The following TRIP4 variants were observed in gnomAD, a reference collection of about 807,000 sequenced individuals.
TRIP4 encodes activating signal cointegrator 1.
Under a neutral mutation model 81.8 loss-of-function variants are expected in TRIP4, and 54 were observed. The observed-to-expected ratio is 0.66, with a 90% CI of 0.53 to 0.83. The LOEUF is 0.83. Among genes scored for constraint, TRIP4 ranks in the 40% least tolerant of loss-of-function variants. The pLI is 0.00. For synonymous variants in TRIP4, 270 were observed against 242.8 expected, an observed-to-expected ratio of 1.11 and a Z score of -1.04; for missense variants, 662 against 683.6, an observed-to-expected ratio of 0.97 and a Z score of 0.35.
chr15:64,396,835 A>G (rs1416541451), intron 3 of TRIP4, among the ~76,000 whole-genome samples: 1 of 152,232 alleles, frequency 6.6e-6, no homozygotes, highest in Non-Finnish European at 1.5e-5. Context: ...GTTCAACTTC[A>G]GTTGATATGA....
chr15:64,413,948 G>A, intron 7 of TRIP4, 137 bp from the exon 8 acceptor site: 1 of 871,950 alleles, frequency 1.1e-6, no homozygotes, highest in Non-Finnish European at 1.7e-6. Context: ...AAGTTGGAGT[G>A]GGGAGTAGGG....
intron 11 of TRIP4, among the ~76,000 whole-genome samples, chr15:64,434,953 C>T (rs1009982022): frequency 1.2e-4 from 18 of 151,976 alleles, no homozygotes; most frequent in Admixed American, 3.9e-4. Context: ...TGGTGGCTCA[C>T]GCCTGTAATC....
intron 8 of TRIP4, among the ~76,000 whole-genome samples, chr15:64,417,036 ATTG>A (rs1483665197): frequency 6.6e-6 from 1 of 152,072 alleles, no homozygotes; most frequent in African/African-American, 2.4e-5. Flanking sequence ...GAGACAGGAT[ATTG>A]TTCTGTCATC....
chr15:64,420,779 G>A (rs1234575448), intron 9 of TRIP4, among the ~76,000 whole-genome samples: 2 of 151,250 alleles, frequency 1.3e-5, no homozygotes, highest in Admixed American at 6.6e-5. Flanking sequence ...TGATCTGCCC[G>A]CCTCGGCCTC....
chr15:64,395,373 TA>T (rs1418784514), intron 2 of TRIP4, 24 bp from the exon 3 acceptor site: 7 of 1,580,508 alleles, frequency 4.4e-6, no homozygotes, highest in Non-Finnish European at 6.0e-6. Context: ...TGTGTGTGTG[TA>T]TTTTTTTTTT....
chr15:64,416,573 A>T (rs1043271512), intron 8 of TRIP4, among the ~76,000 whole-genome samples: 5 of 152,190 alleles, frequency 3.3e-5, no homozygotes, highest in Admixed American at 6.6e-5. Flanking sequence ...AATTTTTTTT[A>T]AAGAAATTAT....
chr15:64,420,265 G>T (rs956972025), intron 9 of TRIP4, among the ~76,000 whole-genome samples: 1 of 151,516 alleles, frequency 6.6e-6, no homozygotes, highest in Non-Finnish European at 1.5e-5. Context: ...GGGTTCACAC[G>T]CATGTGCCAC....
intron 7 of TRIP4, 44 bp downstream of exon 7, chr15:64,409,872 T>G: frequency 6.8e-5 from 106 of 1,564,598 alleles, no homozygotes; most frequent in Non-Finnish European, 8.2e-5. Context: ...AGGAACAGGT[T>G]GACCATAAAG....
chr15:64,441,249 G>A (rs1009779567), intron 11 of TRIP4, among the ~76,000 whole-genome samples: 3 of 151,776 alleles, frequency 2.0e-5, no homozygotes, highest in Non-Finnish European at 4.4e-5. Context: ...GCCCGCTTTG[G>A]CCTCCCAAAG....
chr15:64,425,681 G>T (rs1195381162), intron 11 of TRIP4, 50 bp downstream of exon 11: 1 of 1,510,152 alleles, frequency 6.6e-7, no homozygotes, highest in Middle Eastern at 1.8e-4. Context: ...CGCCATGTTG[G>T]CCAGGCTGGT....
At position 64,414,153 on chromosome 15, in the gene TRIP4, C is replaced by G; in HGVS notation, c.1112C>G (p.Ser371Cys). The change falls in exon 8 of 13, where the codon TCT becomes TGT. Residue 371 changes from serine to cysteine, a missense_variant. Ser to Cys is a moderately radical substitution (Grantham distance 112). Transcript: ENST00000261884. ...LNQPLTKLDR[S>C]SEEPLGVLVN... Reference sequence around the variant, plus strand: ...CAGCCACTGACCAAATTGGATAGATCTTCTGAAGAGCCTTTGGGAGTTCTG... The same window carrying G: ...CAGCCACTGACCAAATTGGATAGATGTTCTGAAGAGCCTTTGGGAGTTCTG... 2 of 1,614,128 alleles carry G rather than the reference C, an allele frequency of 1.2e-6. No individual in the cohort carries two copies. Among genetic ancestry groups the G allele is most frequent in the Non-Finnish European group, 1.7e-6 (2 of 1,180,004 alleles).
chr15:64,399,064 C>G (rs1478235506), intron 4 of TRIP4, among the ~76,000 whole-genome samples: 1 of 148,824 alleles, frequency 6.7e-6, no homozygotes, highest in Non-Finnish European at 1.5e-5. Flanking sequence ...ATTCTCCTGT[C>G]TCAGCCTCCC....
chr15:64,444,203 A>G (rs977432622), intron 11 of TRIP4, among the ~76,000 whole-genome samples: 6 of 152,206 alleles, frequency 3.9e-5, no homozygotes, highest in African/African-American at 9.6e-5. Flanking sequence ...CCAGAAGCCT[A>G]TGAGTCATAT....
intron 9 of TRIP4, 52 bp from the exon 10 acceptor site, chr15:64,423,979 T>C: frequency 1.2e-6 from 2 of 1,608,758 alleles, no homozygotes; most frequent in Non-Finnish European, 1.7e-6. Flanking sequence ...TTATGGGATA[T>C]TCCAGGAAAC....
intron 8 of TRIP4, among the ~76,000 whole-genome samples, chr15:64,414,608 C>T (rs1177130563): frequency 6.8e-6 from 1 of 146,588 alleles, no homozygotes; most frequent in Non-Finnish European, 1.5e-5. Flanking sequence ...CCTCCGCCTC[C>T]CAGGTTCAAG....
chr15:64,415,282 G>T (rs777694900), intron 8 of TRIP4, among the ~76,000 whole-genome samples: 2 of 152,214 alleles, frequency 1.3e-5, no homozygotes, highest in Non-Finnish European at 2.9e-5. Flanking sequence ...ACATACAAAG[G>T]CTCAGCAGCG....
At chr15:64,450,718 T>C in intron 12 of TRIP4, 1 of 456,072 alleles carries the variant, frequency 2.2e-6, no homozygotes, top group South Asian at 1.5e-5. Context: ...CTGGAAATCC[T>C]TGTTCCTCTT....
intron 7 of TRIP4, among the ~76,000 whole-genome samples, chr15:64,412,497 A>G (rs1454975041): frequency 1.1e-4 from 16 of 151,702 alleles, no homozygotes; most frequent in Admixed American, 1.1e-3. Flanking sequence ...ACATCCCCTC[A>G]TGTATGATTC....
chr15:64,407,390 G>A (rs182335927), intron 6 of TRIP4, among the ~76,000 whole-genome samples: 10 of 152,212 alleles, frequency 6.6e-5, no homozygotes, highest in Non-Finnish European at 1.0e-4. Flanking sequence ...AATGGAAGCC[G>A]GGCACGGTGG....
Sources: allele counts gnomAD v4.1 joint callset (sites outside exome capture counted in the v4.1 genomes callset), GRCh38; gene constraint gnomAD v4.1.1; transcripts MANE v1.5; gene names NCBI Gene and HGNC (gene_info 2026-07-23, HGNC 2026-07-21).